Variants in ZNFX1 observed in about 807,000 individuals in gnomAD.
The protein encoded by ZNFX1 is NFX1-type zinc finger-containing protein 1.
In ZNFX1, 78 loss-of-function variants were observed where a neutral mutation model predicts 179.8. That is an observed-to-expected ratio of 0.43 (90% confidence interval 0.36 to 0.52). The LOEUF (loss-of-function observed/expected upper bound fraction) is 0.52, where lower values mean the gene tolerates loss of function less well. ZNFX1 is among the 20% of genes least tolerant of loss of function. The probability of loss-of-function intolerance (pLI) is 0.00; values close to 1 mark genes in which losing one functional copy is unlikely to be tolerated. For missense variants in ZNFX1, 1,927 were observed against 2,386.6 expected (o/e 0.81, Z 4.01); for synonymous variants, 848 against 868.5 (o/e 0.98, Z 0.42).
At chr20:49,256,037 A>AG in intron 8 of ZNFX1, 90 bp from the exon 9 acceptor site, 1 of 1,461,908 alleles carries the variant, frequency 6.8e-7, no homozygotes, top group Non-Finnish European at 9.3e-7. Flanking sequence ...CGTAAGAAAA[A>AG]GGGCTGGCAT....
At chr20:49,271,838 A>G (rs1418475580) in intron 2 of ZNFX1, 88 bp from the exon 3 acceptor site, 2 of 1,446,840 alleles carry the variant, frequency 1.4e-6, no homozygotes, top group Non-Finnish European at 9.2e-7. Context: ...TTCATTTTCC[A>G]AAATAACTAA....
At chr20:49,250,988 C>T (rs1044234074) in intron 13 of ZNFX1, among the ~76,000 whole-genome samples, 3 of 152,106 alleles carry the variant, frequency 2.0e-5, no homozygotes, top group Non-Finnish European at 2.9e-5. Context: ...GGATTACAGG[C>T]GTAAGCCACC....
chr20:49,253,940 G>C (rs1335438102), intron 10 of ZNFX1, 129 bp from the exon 11 acceptor site: 2 of 1,082,002 alleles, frequency 1.8e-6, no homozygotes, highest in East Asian at 4.7e-5. Flanking sequence ...TCCTTATAGT[G>C]TTCTGGGTGG....
Position 49,247,841 on chromosome 20 carries a change from T to C in ZNFX1, c.5183A>G (p.Lys1728Arg). 3 of 1,614,156 alleles carry C rather than the reference T, an allele frequency of 1.9e-6. No individual in the cohort carries two copies. The highest frequency in any genetic ancestry group is 1.7e-6 in the Non-Finnish European group (2 of 1,179,990). ...CTGTTCTAGTCGAGTCCTCACTCTT[T>C]TCTCTTCTAAGACATGCATCTTTTT... ...SLKKMHVLEEKRVRTRLEQVH... is the reference protein window; with the variant it reads ...SLKKMHVLEERRVRTRLEQVH... Residue 1728 changes from lysine to arginine, a missense_variant, in exon 14 of 14, where the codon AAA (lysine) becomes AGA (arginine). Physicochemically the swap from Lys to Arg is conservative, Grantham distance 26. Coordinates refer to ENST00000396105, the MANE Select transcript of ZNFX1 (RefSeq NM_021035.3).
At chr20:49,276,067 A>G (rs1981551336) in intron 1 of ZNFX1, among the ~76,000 whole-genome samples, 180 bp from the exon 2 acceptor site, 1 of 152,248 alleles carries the variant, frequency 6.6e-6, no homozygotes, top group Non-Finnish European at 1.5e-5. Context: ...ATTATGATAT[A>G]AAATATTAAA....
rs1981360620 is a variant in ZNFX1, at chr20:49,270,681, T to C, written c.1131A>G (p.Arg377=). 1 of 1,614,198 alleles carries C rather than the reference T, an allele frequency of 6.2e-7. No individual in the cohort carries two copies. The highest frequency in any genetic ancestry group is 8.5e-7 in the Non-Finnish European group (1 of 1,180,040). Residue 377 remains arginine, a synonymous_variant, in exon 3 of 14, where the codon CGA becomes CGG. Coordinates refer to ENST00000396105, the MANE Select transcript of ZNFX1 (RefSeq NM_021035.3). This position sits in a 1 kb window ranked among gnomAD's most constrained non-coding sequence, Gnocchi z 4.6. ...CCCGTAAAGGTCTGACGAAATCTTC[T>C]CGCAGGAGCCGGAAGTGGGTATCCA... ...IYLDTHFRLL[R]EDFVRPLREG...
intron 2 of ZNFX1, among the ~76,000 whole-genome samples, chr20:49,272,127 C>T (rs1260702670): frequency 7.9e-5 from 12 of 151,606 alleles, no homozygotes; most frequent in African/African-American, 2.9e-4. Flanking sequence ...TGGCCACTGC[C>T]TTACTATATA....
chr20:49,277,416 T>C (rs1187666164), intron 1 of ZNFX1, among the ~76,000 whole-genome samples: 1 of 23,214 alleles, frequency 4.3e-5, no homozygotes, highest in Non-Finnish European at 8.7e-5. Flanking sequence ...GGCGGCGGGG[T>C]GGGGGCAGGG....
chr20:49,270,462 A>G lies in ZNFX1; in HGVS notation c.1350T>C (p.Tyr450=). The change falls in exon 3 of 14, where the codon TAT becomes TAC. Residue 450 remains tyrosine (Y), a synonymous_variant. Coordinates refer to ENST00000396105, the MANE Select transcript of ZNFX1 (RefSeq NM_021035.3). The surrounding 1 kb of genome is among the most constrained non-coding windows in gnomAD (Gnocchi z 4.6). ...CCTTGGACATGCATACCAAAGACCC[A>G]TAGAGCAATCGTTTGGAATTCTGCC... The part of the protein sequence containing the change: ...VRWQNSKRLL[Y]GSLVCMSKDN... 6.2e-7 allele frequency: 1 copy of G among 1,614,220 alleles called. No homozygotes were observed. Among genetic ancestry groups the G allele is most frequent in the Non-Finnish European group, 8.5e-7 (1 of 1,180,052 alleles).
chr20:49,248,987 A>G lies in ZNFX1; in HGVS notation c.4037T>C (p.Val1346Ala), dbSNP rs764685923. Residue 1346 changes from valine (V) to alanine (A), a missense_variant, in exon 14 of 14, where the codon GTG (valine) becomes GCG (alanine). Val to Ala is a moderately conservative substitution (Grantham distance 64). Coordinates refer to ENST00000396105, the MANE Select transcript of ZNFX1 (RefSeq NM_021035.3). The surrounding 1 kb of genome is among the most constrained non-coding windows in gnomAD (Gnocchi z 4.6). The stretch of plus-strand genomic sequence containing the variant: ...CCGAGGAATGGTTTTGGGCACCTTC[A>G]CCTGACAAGGCTGACACTCCTGGAA... Reference protein sequence around the residue: ...VCFQECQPCQVKVPKTIPRCG... With the variant: ...VCFQECQPCQAKVPKTIPRCG... The G allele has an allele frequency of 3.1e-6, 5 of 1,614,064 alleles. No individual in the cohort carries two copies. In the South Asian group the frequency reaches 4.4e-5, roughly 14 times the overall value.
At chr20:49,273,095 C>T (rs998625623) in intron 2 of ZNFX1, among the ~76,000 whole-genome samples, 1 of 152,124 alleles carries the variant, frequency 6.6e-6, no homozygotes, top group Non-Finnish European at 1.5e-5. Context: ...GATTTATGCA[C>T]ACTCTTCCTT....
At chr20:49,257,798 T>G (rs959241784) in intron 7 of ZNFX1, 134 bp from the exon 8 acceptor site, 1 of 1,393,284 alleles carries the variant, frequency 7.2e-7, no homozygotes, top group Non-Finnish European at 9.4e-7. Context: ...GCCTCCTGGG[T>G]TCAAGTGATT....
chr20:49,247,181 A>G lies in ZNFX1; in HGVS notation c.*86T>C. 6.6e-7 allele frequency: 1 copy of G among 1,514,260 alleles called. No homozygotes were observed. The highest frequency in any genetic ancestry group is 2.3e-4 in the Middle Eastern group (1 of 4,320). 93.8% of individuals were successfully genotyped at this position (1,514,260 alleles called of 1,614,324 possible). A position where few individuals can be genotyped will look rare whatever the true frequency, so the allele number is the denominator to read the frequency against. On this transcript the variant is annotated 3_prime_UTR_variant, in exon 14 of 14. Coordinates refer to ENST00000396105, the MANE Select transcript of ZNFX1 (RefSeq NM_021035.3). ...TGCGCCCAGCCTAAAAAGGATGATA[A>G]TAAAAAACAAACTTCAGTTCCTTCA...
At chr20:49,257,702 CTTTT>C (rs11295162) in intron 7 of ZNFX1, 38 bp from the exon 8 acceptor site, 345 of 1,375,926 alleles carry the variant, frequency 2.5e-4, no homozygotes, top group South Asian at 5.3e-4. Context: ...GATGAAAACT[CTTTT>C]TTTTTTTTTT....
At chr20:49,261,742 T>G (rs2146735862) in intron 6 of ZNFX1, among the ~76,000 whole-genome samples, 1 of 151,154 alleles carries the variant, frequency 6.6e-6, no homozygotes, top group East Asian at 2.0e-4. Context: ...GCCTCCCAGG[T>G]TCACACCATT....
intron 1 of ZNFX1, among the ~76,000 whole-genome samples, chr20:49,277,461 A>G (rs1981604948): frequency 6.9e-6 from 1 of 145,226 alleles, no homozygotes; most frequent in Admixed American, 6.9e-5. Context: ...TGCTCTGTAG[A>G]AGAGGGGGAT....
At chr20:49,258,958 C>T (rs1472485882) in intron 7 of ZNFX1, among the ~76,000 whole-genome samples, 2 of 151,484 alleles carry the variant, frequency 1.3e-5, no homozygotes, top group Non-Finnish European at 2.9e-5. Flanking sequence ...ACAAAATAAG[C>T]TGGGTGTGGT....
intron 3 of ZNFX1, 96 bp downstream of exon 3, chr20:49,269,838 AAAATAAGT>A: frequency 1.4e-6 from 2 of 1,391,416 alleles, no homozygotes; most frequent in Non-Finnish European, 1.9e-6. Context: ...GTTGGAAAAT[AAAATAAGT>A]AAATAAGAAG....
chr20:49,271,011 G>A lies in ZNFX1; in HGVS notation c.801C>T (p.Ser267=). 5.0e-6 allele frequency: 8 copies of A among 1,614,164 alleles called. No homozygotes were observed. Among genetic ancestry groups the A allele is most frequent in the Non-Finnish European group, 6.8e-6 (8 of 1,180,020 alleles). ...VFPASSVQET[S]MLVSLLPTSL... Reference sequence around the variant, plus strand: ...AGGTTGGCAGGAGGGAAACCAGCATGGAAGTTTCCTGCACAGAGCTGGCAG... The same window carrying A: ...AGGTTGGCAGGAGGGAAACCAGCATAGAAGTTTCCTGCACAGAGCTGGCAG... Residue 267 remains serine (S), a synonymous_variant, in exon 3 of 14, where the codon TCC becomes TCT. Transcript: ENST00000396105.
Sources: allele counts gnomAD v4.1 joint callset (sites outside exome capture counted in the v4.1 genomes callset), GRCh38; gene constraint gnomAD v4.1.1; non-coding constraint Gnocchi (gnomAD v3.1); transcripts MANE v1.5; gene names NCBI Gene and HGNC (gene_info 2026-07-23, HGNC 2026-07-21).